The following CHODL variants were observed in gnomAD, a reference collection of about 807,000 sequenced individuals.
The protein encoded by CHODL is chondrolectin.
A neutral mutation model predicts 34.5 loss-of-function variants in CHODL; 29 were observed. That is an observed-to-expected ratio of 0.84 (90% CI 0.63 to 1.15). CHODL has a LOEUF of 1.15. Ranked by LOEUF, CHODL falls within the 50% of genes most tolerant of loss-of-function variation. The pLI is 0.00. For synonymous variants in CHODL, 125 were observed against 116.1 expected, an observed-to-expected ratio of 1.08 and a Z score of -0.49; for missense variants, 332 against 332.5, an observed-to-expected ratio of 1.00 and a Z score of 0.01.
chr21:18,127,453 T>C (rs2065560416), intron 2 of CHODL, among the ~76,000 whole-genome samples: 1 of 152,028 alleles, frequency 6.6e-6, no homozygotes, highest in African/African-American at 2.4e-5. Context: ...AAGTGAGAAA[T>C]CTATTAAAAA....
intron 2 of CHODL, among the ~76,000 whole-genome samples, chr21:18,210,301 C>T (rs981942379): frequency 6.6e-5 from 10 of 152,168 alleles, no homozygotes; most frequent in African/African-American, 9.7e-5. Flanking sequence ...CCCACAATCA[C>T]GGCACTTCCC....
At chr21:18,058,688 A>G (rs1244190653) in intron 2 of CHODL, among the ~76,000 whole-genome samples, 1 of 152,180 alleles carries the variant, frequency 6.6e-6, no homozygotes, top group Non-Finnish European at 1.5e-5. Flanking sequence ...GTGTCACAAA[A>G]TACAAAATGG....
chr21:18,101,789 A>G (rs2065217900), intron 2 of CHODL, among the ~76,000 whole-genome samples: 1 of 148,196 alleles, frequency 6.7e-6, no homozygotes, highest in Admixed American at 6.7e-5. Flanking sequence ...AAGAGCATTA[A>G]TGAAATTACT....
chr21:18,179,507 T>C (rs2073356109), intron 2 of CHODL, among the ~76,000 whole-genome samples: 1 of 152,190 alleles, frequency 6.6e-6, no homozygotes. Context: ...GCAAGTCCTC[T>C]TATTTCTACC....
At chr21:18,114,398 CA>C (rs2065387527) in intron 2 of CHODL, among the ~76,000 whole-genome samples, 1 of 151,798 alleles carries the variant, frequency 6.6e-6, no homozygotes, top group Non-Finnish European at 1.5e-5. Context: ...TCATGTACCC[CA>C]AAAATATATA....
intron 2 of CHODL, among the ~76,000 whole-genome samples, chr21:18,143,546 C>T (rs1431524356): frequency 6.6e-6 from 1 of 152,054 alleles, no homozygotes; most frequent in Non-Finnish European, 1.5e-5. Context: ...TGAATTTGAA[C>T]CCTAGCTTCC....
chr21:18,020,035 T>C (rs1389737637), intron 1 of CHODL, among the ~76,000 whole-genome samples: 2 of 152,178 alleles, frequency 1.3e-5, no homozygotes, highest in Non-Finnish European at 2.9e-5. Flanking sequence ...GCAGGTCATA[T>C]GGAAATAGAT....
intron 2 of CHODL, among the ~76,000 whole-genome samples, chr21:18,079,967 T>C (rs2064921289): frequency 6.6e-6 from 1 of 152,084 alleles, no homozygotes; most frequent in Non-Finnish European, 1.5e-5. Context: ...GTATAAGCAT[T>C]CTCTTTTTCT....
At chr21:17,939,434 A>G (rs2063345708) in intron 1 of CHODL, among the ~76,000 whole-genome samples, 1 of 152,218 alleles carries the variant, frequency 6.6e-6, no homozygotes, top group African/African-American at 2.4e-5. Context: ...GCTAAACAGT[A>G]TTGCATTATA....
At chr21:18,224,212 T>G (rs2073910086) in intron 2 of CHODL, among the ~76,000 whole-genome samples, 1 of 152,164 alleles carries the variant, frequency 6.6e-6, no homozygotes, top group Admixed American at 6.6e-5. Context: ...TAAGGCTGAT[T>G]CTTGGAATTT....
intron 2 of CHODL, among the ~76,000 whole-genome samples, chr21:18,109,883 A>G (rs1433887202): frequency 2.0e-5 from 3 of 152,202 alleles, no homozygotes; most frequent in East Asian, 1.9e-4. Context: ...GAACACATTC[A>G]GTGTCTCAAG....
At chr21:17,936,846 C>T (rs550270386) in intron 1 of CHODL, among the ~76,000 whole-genome samples, 5 of 152,082 alleles carry the variant, frequency 3.3e-5, no homozygotes, top group South Asian at 2.1e-4. Context: ...GAGGCTGAGG[C>T]GGGCAGATCA....
intron 2 of CHODL, among the ~76,000 whole-genome samples, chr21:18,034,088 T>C (rs1177855630): frequency 6.6e-6 from 1 of 151,970 alleles, no homozygotes; most frequent in African/African-American, 2.4e-5. Context: ...TTGCCCACTG[T>C]TTCTCTTGTT....
At chr21:17,940,680 G>A (rs1284230680) in intron 1 of CHODL, among the ~76,000 whole-genome samples, 1 of 152,176 alleles carries the variant, frequency 6.6e-6, no homozygotes, top group East Asian at 1.9e-4. Flanking sequence ...TTTCTTATAT[G>A]CACAAAAATT....
At chr21:18,221,440 A>G (rs2073882948) in intron 2 of CHODL, among the ~76,000 whole-genome samples, 1 of 152,090 alleles carries the variant, frequency 6.6e-6, no homozygotes, top group Non-Finnish European at 1.5e-5. Context: ...TGGAGATACC[A>G]TGTTTCCTTA....
intron 2 of CHODL, among the ~76,000 whole-genome samples, chr21:18,078,164 A>T (rs1057134491): frequency 1.3e-5 from 2 of 152,172 alleles, no homozygotes; most frequent in Non-Finnish European, 2.9e-5. Context: ...CATACCCAAG[A>T]CTGGGTAATG....
chr21:18,156,990 A>G (rs969318569), intron 2 of CHODL, among the ~76,000 whole-genome samples: 1 of 152,214 alleles, frequency 6.6e-6, no homozygotes, highest in Non-Finnish European at 1.5e-5. Flanking sequence ...GTTCCTCACA[A>G]CATGGCAGCT....
intron 2 of CHODL, among the ~76,000 whole-genome samples, chr21:18,162,637 C>T (rs927720143): frequency 5.9e-5 from 9 of 152,046 alleles, no homozygotes; most frequent in Admixed American, 1.3e-4. Flanking sequence ...GTGCGGTCTT[C>T]AACATTTGAA....
intron 2 of CHODL, chr21:18,028,003 C>T (rs1415903999): frequency 6.6e-6 from 1 of 152,420 alleles, no homozygotes; most frequent in Non-Finnish European, 1.5e-5. Flanking sequence ...TTTAAGCCAC[C>T]TGGTCATGAC....
Sources: allele counts gnomAD v4.1 joint callset (sites outside exome capture counted in the v4.1 genomes callset), GRCh38; gene constraint gnomAD v4.1.1; transcripts MANE v1.5; gene names NCBI Gene and HGNC (gene_info 2026-07-23, HGNC 2026-07-21).